The following MYRIP variants were observed in gnomAD, a reference collection of about 807,000 sequenced individuals.
MYRIP encodes myosin VIIA and Rab interacting protein.
A neutral mutation model predicts 98.0 loss-of-function variants in MYRIP; 49 were observed. The ratio of observed to expected loss-of-function variants is 0.50; its 90% CI spans 0.40 to 0.63. The LOEUF (loss-of-function observed/expected upper bound fraction) is 0.63, where lower values mean the gene tolerates loss of function less well. Among genes scored for constraint, MYRIP ranks in the 30% least tolerant of loss-of-function variants. The pLI, the probability that MYRIP is intolerant of heterozygous loss-of-function variation, is 0.00. For synonymous variants in MYRIP, 404 were observed against 409.5 expected (o/e 0.99, Z 0.16); for missense variants, 1,004 against 1,058.2 (o/e 0.95, Z 0.71).
chr3:40,187,733 C>A (rs1951077070), intron 9 of MYRIP, among the ~76,000 whole-genome samples: 1 of 152,192 alleles, frequency 6.6e-6, no homozygotes, highest in Admixed American at 6.5e-5. Context: ...GGGACCTTGT[C>A]CTCATACTCA....
chr3:40,126,685 G>C (rs1185202787), intron 3 of MYRIP, among the ~76,000 whole-genome samples: 1 of 152,134 alleles, frequency 6.6e-6, no homozygotes, highest in Non-Finnish European at 1.5e-5. Flanking sequence ...ATATTCTTTT[G>C]TTCTTGGGAT....
chr3:39,916,089 A>C (rs1454799656), intron 2 of MYRIP, among the ~76,000 whole-genome samples: 3 of 152,032 alleles, frequency 2.0e-5, no homozygotes, highest in African/African-American at 7.2e-5. Flanking sequence ...CCAAAGACTA[A>C]ATAAAATATC....
At chr3:39,969,113 T>G (rs1945512611) in intron 2 of MYRIP, among the ~76,000 whole-genome samples, 1 of 152,192 alleles carries the variant, frequency 6.6e-6, no homozygotes, top group South Asian at 2.1e-4. Flanking sequence ...CCTTTTTGAT[T>G]TGGTGCTCAG....
intron 2 of MYRIP, among the ~76,000 whole-genome samples, chr3:39,965,577 A>G (rs1454111189): frequency 6.6e-6 from 1 of 152,144 alleles, no homozygotes; most frequent in East Asian, 1.9e-4. Context: ...GATTTATTGC[A>G]AGGAATTGGC....
chr3:40,196,234 C>CTTT (rs1951389317), intron 10 of MYRIP, among the ~76,000 whole-genome samples: 1 of 151,660 alleles, frequency 6.6e-6, no homozygotes, highest in East Asian at 1.9e-4. Context: ...TTTTTGCTTC[C>CTTT]TAGTCTGTTA....
intron 2 of MYRIP, among the ~76,000 whole-genome samples, chr3:40,003,903 C>G (rs1030364993): frequency 6.6e-6 from 1 of 152,184 alleles, no homozygotes; most frequent in Non-Finnish European, 1.5e-5. Flanking sequence ...AAGTCCTACA[C>G]AGCAGATTCA....
intron 10 of MYRIP, among the ~76,000 whole-genome samples, chr3:40,204,226 TATATATATA>T (rs1559452108): frequency 1.3e-4 from 4 of 31,700 alleles, no homozygotes; most frequent in African/African-American, 1.2e-4. Context: ...TATATATAAA[TATATATATA>T]TTTTTTTTTT....
At chr3:39,985,946 A>G (rs1946021069) in intron 2 of MYRIP, among the ~76,000 whole-genome samples, 1 of 152,072 alleles carries the variant, frequency 6.6e-6, no homozygotes, top group Non-Finnish European at 1.5e-5. Context: ...ACAAAAGCCA[A>G]AATTGACAAA....
At chr3:39,905,265 C>T (rs1188177164) in intron 2 of MYRIP, among the ~76,000 whole-genome samples, 1 of 152,172 alleles carries the variant, frequency 6.6e-6, no homozygotes, top group Non-Finnish European at 1.5e-5. Context: ...GTCCTCTGCT[C>T]CATATTTAGT....
At position 40,258,207 on chromosome 3, in the gene MYRIP, C is replaced by A. The variant is rs375658652; in HGVS notation, c.*41C>A. 1.9e-6 allele frequency: 3 copies of A among 1,613,044 alleles called. No individual in the cohort carries two copies. The highest frequency in any genetic ancestry group is 2.2e-5 in the South Asian group (2 of 91,046). On this transcript the variant is annotated 3_prime_UTR_variant, in exon 17 of 17. Coordinates refer to ENST00000302541, the MANE Select transcript of MYRIP (RefSeq NM_015460.4). ...CTGCCAGTGACCCACTGCCTCCGGCCGTACACGACAGTGCCTTGACCCAAC... is the reference window on the plus strand; with the variant it reads ...CTGCCAGTGACCCACTGCCTCCGGCAGTACACGACAGTGCCTTGACCCAAC...
chr3:40,204,207 T>TAATA, intron 10 of MYRIP, among the ~76,000 whole-genome samples: 2 of 44,544 alleles, frequency 4.5e-5, no homozygotes, highest in South Asian at 1.8e-3. Context: ...ATATTATATA[T>TAATA]TTATATATTA....
At chr3:39,885,127 C>G (rs574012746) in intron 1 of MYRIP, among the ~76,000 whole-genome samples, 36 of 151,900 alleles carry the variant, frequency 2.4e-4, no homozygotes, top group Non-Finnish European at 4.3e-4. Context: ...CTGCACTTAT[C>G]TTTTTATATA....
At chr3:39,969,243 T>C (rs376255366) in intron 2 of MYRIP, among the ~76,000 whole-genome samples, 25 of 152,334 alleles carry the variant, frequency 1.6e-4, no homozygotes, top group African/African-American at 5.8e-4. Flanking sequence ...TGGGATTTTC[T>C]AGACATAGAA....
intron 16 of MYRIP, among the ~76,000 whole-genome samples, chr3:40,252,929 A>G (rs1256384118): frequency 6.6e-6 from 1 of 152,202 alleles, no homozygotes. Context: ...CGATTAAGAA[A>G]GCGTTTAAGC....
At chr3:39,900,756 T>G in intron 1 of MYRIP, 31 bp from the exon 2 acceptor site, 2 of 1,231,634 alleles carry the variant, frequency 1.6e-6, no homozygotes, top group Non-Finnish European at 2.4e-6. Flanking sequence ...TGTAGAGATT[T>G]TATCTTGCTT....
intron 1 of MYRIP, among the ~76,000 whole-genome samples, chr3:39,890,085 TGTTTC>T (rs1392689930): frequency 3.9e-5 from 6 of 152,126 alleles, no homozygotes; most frequent in African/African-American, 1.4e-4. Flanking sequence ...TTTCATCATT[TGTTTC>T]ATCTCTCCAT....
At chr3:39,867,029 A>G (rs567303031) in intron 1 of MYRIP, among the ~76,000 whole-genome samples, 1 of 152,176 alleles carries the variant, frequency 6.6e-6, no homozygotes, top group Admixed American at 6.5e-5. Flanking sequence ...ACCCATGCAT[A>G]TATAGATAAC....
intron 1 of MYRIP, among the ~76,000 whole-genome samples, chr3:39,842,986 G>A (rs564762275): frequency 6.6e-5 from 10 of 152,314 alleles, no homozygotes; most frequent in South Asian, 2.1e-4. Flanking sequence ...AGTTGCTAAC[G>A]TTAATTAAAG....
intron 3 of MYRIP, among the ~76,000 whole-genome samples, chr3:40,052,081 TG>T (rs1947804799): frequency 6.6e-6 from 1 of 152,144 alleles, no homozygotes; most frequent in African/African-American, 2.4e-5. Context: ...TACAATAAAT[TG>T]TTGTTAACTG....
Sources: gnomAD v4.1 joint callset for allele counts (sites outside exome capture counted in the v4.1 genomes callset) on GRCh38, gnomAD v4.1.1 for gene constraint, MANE v1.5 for transcripts, NCBI Gene and HGNC (gene_info 2026-07-23, HGNC 2026-07-21) for gene names.